RUNX2: variants seen among roughly 807,000 people sequenced by gnomAD.
RUNX2 encodes the protein runt-related transcription factor 2.
In RUNX2, 10 loss-of-function variants were observed where a neutral mutation model predicts 51.7. The ratio of observed to expected loss-of-function variants is 0.19; its 90% CI spans 0.12 to 0.33. The LOEUF (loss-of-function observed/expected upper bound fraction) is 0.33, where lower values mean the gene tolerates loss of function less well. Among genes scored for constraint, RUNX2 ranks in the 10% least tolerant of loss-of-function variants. The pLI is 1.00. For missense variants in RUNX2, 562 were observed against 691.3 expected (o/e 0.81, Z 2.10); for synonymous variants, 276 against 273.6 (o/e 1.01, Z -0.09).
intron 5 of RUNX2, among the ~76,000 whole-genome samples, chr6:45,449,716 A>C (rs1166447367): frequency 1.3e-5 from 2 of 152,238 alleles, no homozygotes; most frequent in Non-Finnish European, 2.9e-5. Context: ...GTTCATGGAC[A>C]TAGGCATGTT....
At chr6:45,477,561 A>C (rs914988192) in intron 5 of RUNX2, among the ~76,000 whole-genome samples, 2 of 152,194 alleles carry the variant, frequency 1.3e-5, no homozygotes, top group Non-Finnish European at 2.9e-5. Context: ...ACCAAACCAG[A>C]AACCTGAGAC....
chr6:45,453,610 C>T (rs1252104419), intron 5 of RUNX2, among the ~76,000 whole-genome samples: 1 of 152,172 alleles, frequency 6.6e-6, no homozygotes, highest in African/African-American at 2.4e-5. Context: ...GTGGTCAGGG[C>T]TTTCTAGAAG....
At chr6:45,343,494 C>G (rs2150145615) in intron 2 of RUNX2, among the ~76,000 whole-genome samples, 2 of 152,248 alleles carry the variant, frequency 1.3e-5, no homozygotes, top group South Asian at 4.1e-4. Flanking sequence ...CTTTTCAAAC[C>G]TGAATAGAAT....
intron 2 of RUNX2, chr6:45,421,471 G>A (rs1798186869): frequency 6.6e-6 from 1 of 152,156 alleles, no homozygotes; most frequent in African/African-American, 2.4e-5. Flanking sequence ...TTTTCCCTTG[G>A]GAGTCGCTCA....
chr6:45,477,458 A>T (rs1799988162), intron 5 of RUNX2, among the ~76,000 whole-genome samples: 1 of 152,100 alleles, frequency 6.6e-6, no homozygotes, highest in Non-Finnish European at 1.5e-5. Context: ...AGCGTTAGGG[A>T]TTCCCCACCT....
intron 2 of RUNX2, among the ~76,000 whole-genome samples, chr6:45,351,856 G>C (rs1194819660): frequency 2.6e-5 from 4 of 152,182 alleles, no homozygotes; most frequent in Admixed American, 2.6e-4. Context: ...TGAGCACTTT[G>C]AAAAAGAGTA....
intron 7 of RUNX2, among the ~76,000 whole-genome samples, chr6:45,532,084 T>A (rs1326590224): frequency 6.6e-6 from 1 of 152,078 alleles, no homozygotes; most frequent in Admixed American, 6.6e-5. Flanking sequence ...TGGGAACTGT[T>A]GTTAACAATT....
At chr6:45,497,386 G>T (rs997760364) in intron 6 of RUNX2, among the ~76,000 whole-genome samples, 4 of 152,098 alleles carry the variant, frequency 2.6e-5, no homozygotes, top group Non-Finnish European at 4.4e-5. Flanking sequence ...CTTCTGCATA[G>T]GCTGCTAGAT....
intron 6 of RUNX2, among the ~76,000 whole-genome samples, chr6:45,499,800 A>G (rs928235203): frequency 1.3e-5 from 2 of 152,194 alleles, no homozygotes; most frequent in African/African-American, 4.8e-5. Context: ...CCCCCAAAAC[A>G]GTTCCATTTC....
At chr6:45,387,884 C>T (rs1582059588) in intron 2 of RUNX2, among the ~76,000 whole-genome samples, 1 of 152,270 alleles carries the variant, frequency 6.6e-6, no homozygotes, top group African/African-American at 2.4e-5. Context: ...GTTGGCAAAA[C>T]AGCTTCAATA....
At chr6:45,380,148 A>G (rs1408938884) in intron 2 of RUNX2, among the ~76,000 whole-genome samples, 1 of 152,228 alleles carries the variant, frequency 6.6e-6, no homozygotes, top group Non-Finnish European at 1.5e-5. Flanking sequence ...TTTGCATTAC[A>G]TTCATATCAA....
intron 5 of RUNX2, among the ~76,000 whole-genome samples, chr6:45,443,036 CTTTTTTTTTTTTTTT>C (rs10564853): frequency 3.8e-5 from 2 of 52,170 alleles, no homozygotes; most frequent in African/African-American, 9.5e-5. Flanking sequence ...TCAGGCCTTG[CTTTTTTTTTTTTTTT>C]TTTTTTTTTT....
At chr6:45,377,612 A>T (rs2150337303) in intron 2 of RUNX2, among the ~76,000 whole-genome samples, 1 of 152,214 alleles carries the variant, frequency 6.6e-6, no homozygotes, top group African/African-American at 2.4e-5. Context: ...ACTCCGGCGT[A>T]GACCACGAAG....
At chr6:45,437,602 A>T (rs1052690934) in intron 4 of RUNX2, among the ~76,000 whole-genome samples, 1 of 152,188 alleles carries the variant, frequency 6.6e-6, no homozygotes, top group South Asian at 2.1e-4. Flanking sequence ...CTGTGCTTGG[A>T]TGTGTTCCTG....
At chr6:45,537,595 G>A (rs548215179) in intron 7 of RUNX2, among the ~76,000 whole-genome samples, 51 of 152,110 alleles carry the variant, frequency 3.4e-4, no homozygotes, top group African/African-American at 1.2e-3. Context: ...TGTTTGGTTA[G>A]CCACTCTTTC....
intron 4 of RUNX2, among the ~76,000 whole-genome samples, chr6:45,432,456 T>C (rs1798569085): frequency 6.6e-6 from 1 of 152,184 alleles, no homozygotes; most frequent in East Asian, 1.9e-4. Flanking sequence ...TATCACAGGT[T>C]ACCTCTATAT....
At chr6:45,501,846 AG>A (rs1434905597) in intron 6 of RUNX2, among the ~76,000 whole-genome samples, 1 of 152,220 alleles carries the variant, frequency 6.6e-6, no homozygotes, top group East Asian at 1.9e-4. Flanking sequence ...GCTGCAAGCA[AG>A]TCAACACCAA....
intron 6 of RUNX2, among the ~76,000 whole-genome samples, chr6:45,504,994 T>C (rs1582182916): frequency 6.6e-6 from 1 of 152,224 alleles, no homozygotes; most frequent in South Asian, 2.1e-4. Context: ...GCAGAATCAC[T>C]GGCTGCCATG....
chr6:45,546,999 C>T lies in RUNX2; in HGVS notation c.1260C>T (p.Thr420=). 1.2e-6 allele frequency: 2 copies of T among 1,614,074 alleles called. No homozygotes were observed. The highest frequency in any genetic ancestry group is 1.7e-6 in the Non-Finnish European group (2 of 1,180,018). The stretch of plus-strand genomic sequence containing the variant: ...TGTCCGCCACCACTCACTACCACAC[C>T]TACCTGCCACCACCCTACCCCGGCT... ...LGMSATTHYH[T]YLPPPYPGSS... The change falls in exon 9 of 9, where the codon ACC becomes ACT. Residue 420 remains threonine, a synonymous_variant. Transcript: ENST00000647337.
Sources: gnomAD v4.1 joint callset for allele counts (sites outside exome capture counted in the v4.1 genomes callset) on GRCh38, gnomAD v4.1.1 for gene constraint, MANE v1.5 for transcripts, NCBI Gene and HGNC (gene_info 2026-07-23, HGNC 2026-07-21) for gene names.